Variants in RGS4 observed in about 807,000 individuals in gnomAD.
The protein encoded by RGS4 is regulator of G protein signaling 4.
RGS4 carries 15 observed loss-of-function variants against 21.6 expected under a neutral mutation model. That is an observed-to-expected ratio of 0.69 (90% confidence interval 0.46 to 1.07). The LOEUF (loss-of-function observed/expected upper bound fraction) is 1.07. Ranked by LOEUF, RGS4 falls within the 50% of genes least tolerant of loss-of-function variation. The pLI is 0.00. For synonymous variants in RGS4, 94 were observed against 85.5 expected (o/e 1.10, Z -0.55); for missense variants, 237 against 239.0 (o/e 0.99, Z 0.06).
intron 1 of RGS4, among the ~76,000 whole-genome samples, chr1:163,071,076 G>T (rs12753561): frequency 0.24 from 36,722 of 152,020 alleles, 4,567 homozygotes; most frequent in East Asian, 0.41. Context: ...GATCTCAGGT[G>T]GATCCAGCAC....
upstream of RGS4, chr1:163,069,037 A>T: frequency 6.4e-7 from 1 of 1,566,700 alleles, no homozygotes; most frequent in South Asian, 1.2e-5. Context: ...CCAGGAAGCA[A>T]CTTCCTTGAT....
At chr1:163,073,688 T>G in intron 4 of RGS4, 66 bp downstream of exon 4, 1 of 1,029,794 alleles carries the variant, frequency 9.7e-7, no homozygotes, top group East Asian at 2.6e-5. Flanking sequence ...TTTTGATACA[T>G]GCATACAATG....
In RGS4 at chr1:163,075,810, G is replaced by A. The variant is rs1030646109; in HGVS notation, c.*1250G>A. 3 of 152,380 alleles carry A rather than the reference G, an allele frequency of 2.0e-5. No homozygotes were observed. The highest frequency in any genetic ancestry group is 4.4e-5 in the Non-Finnish European group (3 of 68,004). 9.4% of individuals were successfully genotyped at this position (152,380 alleles called of 1,614,324 possible). Reference sequence around the variant, plus strand: ...GCAGGGGAAAGATTATATTTTATAAGAGGGAACAAATTTTCACAATTTGAA... The same window carrying A: ...GCAGGGGAAAGATTATATTTTATAAAAGGGAACAAATTTTCACAATTTGAA... On this transcript the variant is annotated 3_prime_UTR_variant, in exon 5 of 5. Transcript: ENST00000367909.
chr1:163,074,036 A>G (rs941282125), intron 4 of RGS4: 5 of 459,214 alleles, frequency 1.1e-5, no homozygotes, highest in African/African-American at 3.9e-5. Context: ...AATCTCTTTT[A>G]TCCATGTGGC....
At chr1:163,069,606 A>G in intron 1 of RGS4, 78 bp downstream of exon 1, 1 of 1,203,174 alleles carries the variant, frequency 8.3e-7, no homozygotes, top group African/African-American at 1.5e-5. Context: ...GTACTTACTA[A>G]CCTAGTTCTG....
rs146574298 is a variant in RGS4, at chr1:163,073,464, G to A, written c.220G>A (p.Ala74Thr). 7 of 1,578,952 alleles carry A rather than the reference G, an allele frequency of 4.4e-6. No individual in the cohort carries two copies. The highest frequency in any genetic ancestry group is 6.0e-6 in the Non-Finnish European group (7 of 1,167,900). ...TTTCTCCTGTATCATAGGTGGGCTG[G>A]CAGCTTTCAAAGCTTTCTTGAAGTC... Reference protein sequence around the residue: ...ENLISHECGLAAFKAFLKSEY... With the variant: ...ENLISHECGLTAFKAFLKSEY... The change falls in exon 4 of 5, where the codon GCA (alanine) becomes ACA (threonine). Residue 74 changes from alanine to threonine, a missense_variant. By Grantham distance (58) the Ala-to-Thr change is moderately conservative (BLOSUM62 0). Coordinates refer to ENST00000367909, the MANE Select transcript of RGS4 (RefSeq NM_005613.6).
chr1:163,069,157 A>C, upstream of RGS4: 2 of 1,495,982 alleles, frequency 1.3e-6, no homozygotes, highest in Non-Finnish European at 1.8e-6. Flanking sequence ...CATTGAGTAC[A>C]TTTTTTCCCA....
Position 163,069,436 on chromosome 1 carries a change from C to T in RGS4, c.-49C>T, listed in dbSNP as rs930518427. The T allele has an allele frequency of 6.2e-7, 1 of 1,612,732 alleles. No homozygotes were observed. The highest frequency in any genetic ancestry group is 8.5e-7 in the Non-Finnish European group (1 of 1,179,564). The stretch of plus-strand genomic sequence containing the variant: ...ACGCTCAAAGCCGAAGCCACAGCTC[C>T]TCCTGCCGCATTTCTTTCCTGCTTG... On this transcript the variant is annotated 5_prime_UTR_variant, in exon 1 of 5. Transcript: ENST00000367909.
intron 2 of RGS4, 34 bp downstream of exon 2, chr1:163,072,533 G>A (rs757593860): frequency 2.8e-5 from 39 of 1,406,392 alleles, no homozygotes; most frequent in Non-Finnish European, 3.8e-5. Flanking sequence ...GATGTACTTA[G>A]TATTAACTAT....
intron 1 of RGS4, chr1:163,072,086 C>G: frequency 9.4e-7 from 1 of 1,063,758 alleles, no homozygotes; most frequent in South Asian, 3.9e-5. Context: ...GTTGAAGATA[C>G]CAAAGATATT....
In RGS4 at chr1:163,069,476, TTAAA is replaced by T. The variant is rs770517308; in HGVS notation, c.-5_-2del. On this transcript the variant is annotated 5_prime_UTR_variant, in exon 1 of 5. Coordinates refer to ENST00000367909, the MANE Select transcript of RGS4 (RefSeq NM_005613.6). ...TTTCCTGCTTGCGAATTCCAAGCTG[TTAAA>T]TAAGATGTGCAAAGGGCTTGCAGGT... 19 of 1,613,426 alleles carry T rather than the reference TTAAA, an allele frequency of 1.2e-5. No homozygotes were observed. The Middle Eastern group carries it at 1.3e-3, about 112-fold the overall frequency.
chr1:163,069,534 A>G lies in RGS4; in HGVS notation c.44+6A>G. 1.9e-6 allele frequency: 3 copies of G among 1,610,886 alleles called. No homozygotes were observed. Among genetic ancestry groups the G allele is most frequent in the Non-Finnish European group, 1.7e-6 (2 of 1,177,760 alleles). Reference sequence around the variant, plus strand: ...CCGGCTTCTTGCTTGAGGAGGTAAGATTGCTTTCAGCCATTAACCATATTA... The same window carrying G: ...CCGGCTTCTTGCTTGAGGAGGTAAGGTTGCTTTCAGCCATTAACCATATTA... On this transcript the variant is annotated splice_donor_region_variant and intron_variant, in intron 1 of 4. Coordinates refer to ENST00000367909, the MANE Select transcript of RGS4 (RefSeq NM_005613.6).
At chr1:163,072,370 A>T in intron 1 of RGS4, 25 bp from the exon 2 acceptor site, 2 of 1,529,108 alleles carry the variant, frequency 1.3e-6, no homozygotes, top group Non-Finnish European at 9.0e-7. Context: ...ATTACTATTT[A>T]TTCATTTTTT....
intron 1 of RGS4, 133 bp from the exon 2 acceptor site, chr1:163,072,262 C>A: frequency 1.2e-6 from 1 of 854,828 alleles, no homozygotes; most frequent in Non-Finnish European, 1.7e-6. Flanking sequence ...AGAGGTCATG[C>A]CAACTCCAAC....
chr1:163,070,054 T>C (rs1170147828), intron 1 of RGS4, among the ~76,000 whole-genome samples: 2 of 152,198 alleles, frequency 1.3e-5, no homozygotes, highest in African/African-American at 4.8e-5. Context: ...TACAATGAGA[T>C]ATGAGTTTTA....
chr1:163,074,194 G>A, intron 4 of RGS4, 127 bp from the exon 5 acceptor site: 1 of 1,196,476 alleles, frequency 8.4e-7, no homozygotes, highest in Non-Finnish European at 1.2e-6. Context: ...GGACCCCAAT[G>A]TCACTTTTGT....
At chr1:163,070,188 G>T (rs1052463284) in intron 1 of RGS4, among the ~76,000 whole-genome samples, 3 of 152,064 alleles carry the variant, frequency 2.0e-5, no homozygotes, top group Non-Finnish European at 2.9e-5. Context: ...TCATCTTAAA[G>T]ACATTGTTTT....
upstream of RGS4, chr1:163,069,275 A>G (rs1213334960): frequency 2.6e-6 from 4 of 1,550,970 alleles, no homozygotes; most frequent in South Asian, 2.4e-5. Context: ...AGAGGGAGAC[A>G]GAGGAGCTGG....
intron 4 of RGS4, chr1:163,073,832 C>T: frequency 2.1e-6 from 1 of 486,192 alleles, no homozygotes; most frequent in Non-Finnish European, 3.6e-6. Context: ...ACTATATCAC[C>T]CTAATGTGCT....
Sources: gnomAD v4.1 joint callset for allele counts (sites outside exome capture counted in the v4.1 genomes callset) on GRCh38, gnomAD v4.1.1 for gene constraint, MANE v1.5 for transcripts, NCBI Gene and HGNC (gene_info 2026-07-23, HGNC 2026-07-21) for gene names.